The following TMCC1 variants were observed in gnomAD, a reference collection of about 807,000 sequenced individuals.
TMCC1 encodes the protein transmembrane and coiled-coil domains protein 1.
A neutral mutation model predicts 52.4 loss-of-function variants in TMCC1; 15 were observed. The observed-to-expected ratio is 0.29, with a 90% CI of 0.19 to 0.44. TMCC1 has a LOEUF of 0.44. Among genes scored for constraint, TMCC1 ranks in the 20% least tolerant of loss-of-function variants. The pLI is 1.00. For missense variants in TMCC1, 503 were observed against 806.0 expected (o/e 0.62, Z 4.55); for synonymous variants, 279 against 301.9 (o/e 0.92, Z 0.79).
chr3:129,813,856 TAAGGA>T (rs2057963382), intron 4 of TMCC1, among the ~76,000 whole-genome samples: 1 of 152,158 alleles, frequency 6.6e-6, no homozygotes, highest in South Asian at 2.1e-4. Context: ...AGATTATTCT[TAAGGA>T]AATAGTACTT....
chr3:129,671,380 C>CTA, intron 4 of TMCC1, 116 bp from the exon 5 acceptor site: 2 of 1,099,030 alleles, frequency 1.8e-6, no homozygotes, highest in Non-Finnish European at 2.5e-6. Flanking sequence ...GATAACTGAC[C>CTA]TATAATTCCC....
chr3:129,778,564 T>C (rs2055229761), intron 4 of TMCC1, among the ~76,000 whole-genome samples: 1 of 151,984 alleles, frequency 6.6e-6, no homozygotes, highest in Non-Finnish European at 1.5e-5. Flanking sequence ...GAAAGAATGG[T>C]GATATGGTCT....
At chr3:129,799,236 T>A (rs1192064190) in intron 4 of TMCC1, among the ~76,000 whole-genome samples, 1 of 152,172 alleles carries the variant, frequency 6.6e-6, no homozygotes, top group Non-Finnish European at 1.5e-5. Context: ...TCCTTCTATA[T>A]TAGCAATGTT....
At chr3:129,739,984 C>T (rs1044358265) in intron 4 of TMCC1, among the ~76,000 whole-genome samples, 3 of 152,234 alleles carry the variant, frequency 2.0e-5, no homozygotes, top group Admixed American at 6.5e-5. Context: ...CACTTACGTG[C>T]AAGGTTAGCA....
chr3:129,823,652 A>G (rs573607795), intron 4 of TMCC1, among the ~76,000 whole-genome samples: 1 of 152,278 alleles, frequency 6.6e-6, no homozygotes, highest in South Asian at 2.1e-4. Context: ...ACAAACAAAA[A>G]AACAGTCTGC....
intron 4 of TMCC1, among the ~76,000 whole-genome samples, chr3:129,783,795 A>G (rs770745217): frequency 3.9e-5 from 6 of 152,246 alleles, no homozygotes; most frequent in Non-Finnish European, 7.3e-5. Context: ...TTAGAATAGA[A>G]GAACTCCTCT....
intron 4 of TMCC1, among the ~76,000 whole-genome samples, chr3:129,820,522 G>T (rs2058364484): frequency 6.6e-6 from 1 of 150,560 alleles, no homozygotes; most frequent in African/African-American, 2.4e-5. Flanking sequence ...ACCAGATTCA[G>T]ATTAATATAT....
chr3:129,725,931 C>G (rs1374866423), intron 4 of TMCC1, among the ~76,000 whole-genome samples: 1 of 152,094 alleles, frequency 6.6e-6, no homozygotes, highest in Non-Finnish European at 1.5e-5. Context: ...GGAGATACAA[C>G]TAATGTTTTG....
intron 4 of TMCC1, among the ~76,000 whole-genome samples, chr3:129,798,650 A>G (rs1027379343): frequency 6.6e-6 from 1 of 152,158 alleles, no homozygotes; most frequent in African/African-American, 2.4e-5. Flanking sequence ...AATGTTTTCT[A>G]CTAATGAAAT....
At chr3:129,862,579 C>T (rs1019231838) in intron 2 of TMCC1, among the ~76,000 whole-genome samples, 4 of 152,122 alleles carry the variant, frequency 2.6e-5, no homozygotes, top group East Asian at 1.9e-4. Context: ...AAAAGATTCA[C>T]GCACAGTGTT....
intron 4 of TMCC1, among the ~76,000 whole-genome samples, chr3:129,798,989 T>C (rs927649236): frequency 2.0e-5 from 3 of 152,170 alleles, no homozygotes; most frequent in African/African-American, 7.2e-5. Context: ...ACAGATTAAG[T>C]AATTTATGTA....
intron 5 of TMCC1, among the ~76,000 whole-genome samples, chr3:129,659,257 G>A (rs2086869308): frequency 6.6e-6 from 1 of 151,506 alleles, no homozygotes; most frequent in Admixed American, 6.6e-5. Flanking sequence ...GCACCACCAA[G>A]CCTGGCTATT....
chr3:129,745,638 G>T (rs1339164611), intron 4 of TMCC1, among the ~76,000 whole-genome samples: 1 of 152,036 alleles, frequency 6.6e-6, no homozygotes, highest in Non-Finnish European at 1.5e-5. Flanking sequence ...CCTTTAAATA[G>T]ACACAGCTGA....
intron 1 of TMCC1, among the ~76,000 whole-genome samples, chr3:129,882,668 T>C (rs1273753926): frequency 1.3e-5 from 2 of 152,216 alleles, no homozygotes; most frequent in Non-Finnish European, 2.9e-5. Context: ...GTATATCATA[T>C]ACAATGGAAT....
At chr3:129,658,207 C>T (rs1241287123) in intron 5 of TMCC1, among the ~76,000 whole-genome samples, 2 of 152,204 alleles carry the variant, frequency 1.3e-5, no homozygotes, top group Non-Finnish European at 2.9e-5. Context: ...CTTTTCACTA[C>T]ATGTATGCAT....
intron 5 of TMCC1, among the ~76,000 whole-genome samples, chr3:129,655,322 A>C (rs1376097386): frequency 6.6e-6 from 1 of 152,204 alleles, no homozygotes; most frequent in Non-Finnish European, 1.5e-5. Context: ...GCTGTTCCAT[A>C]ATCTTTTCAA....
At chr3:129,704,572 C>A (rs145051190) in intron 4 of TMCC1, among the ~76,000 whole-genome samples, 19 of 152,134 alleles carry the variant, frequency 1.2e-4, no homozygotes, top group African/African-American at 4.3e-4. Flanking sequence ...GCACATGCCA[C>A]GACGCCCGGC....
chr3:129,781,506 A>G (rs917824522), intron 4 of TMCC1, among the ~76,000 whole-genome samples: 2 of 152,170 alleles, frequency 1.3e-5, no homozygotes, highest in Admixed American at 6.6e-5. Context: ...TATATAGCCT[A>G]CATTTAGACA....
intron 2 of TMCC1, among the ~76,000 whole-genome samples, chr3:129,833,197 GA>G (rs2058999816): frequency 6.6e-6 from 1 of 152,058 alleles, no homozygotes; most frequent in South Asian, 2.1e-4. Flanking sequence ...ACAGGTACAT[GA>G]AAACACCACA....
Sources: gnomAD v4.1 joint callset for allele counts (sites outside exome capture counted in the v4.1 genomes callset) on GRCh38, gnomAD v4.1.1 for gene constraint, MANE v1.5 for transcripts, NCBI Gene and HGNC (gene_info 2026-07-23, HGNC 2026-07-21) for gene names.